The following TMEM244 variants were observed in gnomAD, a reference collection of about 807,000 sequenced individuals.
TMEM244 encodes putative transmembrane protein 244.
Under a neutral mutation model 15.8 loss-of-function variants are expected in TMEM244, and 13 were observed. The observed-to-expected ratio is 0.82, with a 90% CI of 0.53 to 1.30. The LOEUF (loss-of-function observed/expected upper bound fraction) is 1.30. TMEM244 is among the 50% of genes most tolerant of loss of function. The pLI is 0.00. For synonymous variants in TMEM244, 45 were observed against 48.7 expected (o/e 0.92, Z 0.32); for missense variants, 161 against 144.9 (o/e 1.11, Z -0.57).
At chr6:129,840,452 G>A (rs147076113) in intron 3 of TMEM244, among the ~76,000 whole-genome samples, 10,597 of 152,194 alleles carry the variant, frequency 0.07, 448 homozygotes, top group Non-Finnish European at 0.092. Flanking sequence ...AGACTTAAAT[G>A]TAAGACCTAA....
intron 4 of TMEM244, among the ~76,000 whole-genome samples, chr6:129,832,251 G>C (rs9492392): frequency 0.58 from 88,195 of 151,606 alleles, 26,697 homozygotes; most frequent in Non-Finnish European, 0.65. Flanking sequence ...GTGCCCACCA[G>C]CATGCCTGGC....
chr6:129,853,506 A>G (rs575116447), intron 1 of TMEM244, among the ~76,000 whole-genome samples: 7 of 152,064 alleles, frequency 4.6e-5, no homozygotes, highest in African/African-American at 1.4e-4. Flanking sequence ...ATAAATGTGC[A>G]CCAGTCTGCA....
At chr6:129,833,309 G>A in intron 4 of TMEM244, 151 bp downstream of exon 4, 2 of 884,228 alleles carry the variant, frequency 2.3e-6, no homozygotes, top group Non-Finnish European at 1.5e-6. Flanking sequence ...AATTTGGCTG[G>A]AAAGAGGGAT....
At chr6:129,833,334 T>G (rs1776357306) in intron 4 of TMEM244, 126 bp downstream of exon 4, 10 of 1,085,190 alleles carry the variant, frequency 9.2e-6, no homozygotes, top group Non-Finnish European at 1.2e-5. Context: ...ACCTTTCATC[T>G]TCAGTTTTTA....
intron 3 of TMEM244, among the ~76,000 whole-genome samples, chr6:129,839,801 C>T (rs556557920): frequency 6.6e-6 from 1 of 152,066 alleles, no homozygotes; most frequent in Non-Finnish European, 1.5e-5. Flanking sequence ...AAACAGAGAG[C>T]CAAAACATGA....
chr6:129,856,347 C>T, intron 1 of TMEM244, among the ~76,000 whole-genome samples: 1 of 152,114 alleles, frequency 6.6e-6, no homozygotes. Flanking sequence ...TTCCATTGAG[C>T]TATCTACTCA....
Position 129,831,350 on chromosome 6 carries a change from G to A in TMEM244, c.356C>T (p.Ala119Val), listed in dbSNP as rs761732631. Residue 119 changes from alanine to valine, a missense_variant, in exon 5 of 5, where the codon GCT (alanine) becomes GTT (valine). Physicochemically the swap from Ala to Val is moderately conservative, Grantham distance 64 (BLOSUM62 0). Coordinates refer to ENST00000368143, the MANE Select transcript of TMEM244 (RefSeq NM_001010876.2). ...LEFPLTSHWW[A>V]ALGISKLLV Reference sequence around the variant, plus strand: ...AAGCAATTTTGATATACCTAAAGCAGCCCACCAATGTGATGTCAAGGGGAA... The same window carrying A: ...AAGCAATTTTGATATACCTAAAGCAACCCACCAATGTGATGTCAAGGGGAA... The A allele has an allele frequency of 1.9e-6, 3 of 1,578,942 alleles. No individual in the cohort carries two copies. Among genetic ancestry groups the A allele is most frequent in the Non-Finnish European group, 2.6e-6 (3 of 1,147,264 alleles).
chr6:129,835,404 TAA>T (rs549649524), intron 3 of TMEM244, among the ~76,000 whole-genome samples: 9 of 138,368 alleles, frequency 6.5e-5, no homozygotes, highest in Admixed American at 7.2e-5. Context: ...CTCTGTCTCT[TAA>T]AAAAAAAAAA....
intron 1 of TMEM244, among the ~76,000 whole-genome samples, chr6:129,855,898 G>T (rs1164459481): frequency 6.6e-6 from 1 of 151,912 alleles, no homozygotes; most frequent in Non-Finnish European, 1.5e-5. Context: ...TAAATATCCT[G>T]TTCCCCCAAA....
intron 3 of TMEM244, among the ~76,000 whole-genome samples, chr6:129,838,296 C>T (rs532728206): frequency 1.3e-5 from 2 of 152,336 alleles, no homozygotes; most frequent in South Asian, 4.1e-4. Flanking sequence ...CAAAACCTCA[C>T]AACTACATGG....
At chr6:129,835,190 G>C (rs1306016966) in intron 3 of TMEM244, among the ~76,000 whole-genome samples, 3 of 152,048 alleles carry the variant, frequency 2.0e-5, no homozygotes, top group Non-Finnish European at 4.4e-5. Context: ...GAAGCTAGGA[G>C]TTCAAGGCCA....
chr6:129,854,449 A>G (rs1284443739), intron 1 of TMEM244, among the ~76,000 whole-genome samples: 2 of 152,200 alleles, frequency 1.3e-5, no homozygotes, highest in African/African-American at 4.8e-5. Context: ...TCCTGGGGAT[A>G]AAAAGGAAGA....
chr6:129,842,833 C>G (rs765873754), intron 3 of TMEM244, among the ~76,000 whole-genome samples: 8 of 151,096 alleles, frequency 5.3e-5, no homozygotes, highest in Non-Finnish European at 1.2e-4. Flanking sequence ...CTCCCCCAAA[C>G]AAGAATGTTT....
intron 1 of TMEM244, among the ~76,000 whole-genome samples, chr6:129,852,743 C>G (rs1776651625): frequency 6.6e-6 from 1 of 152,172 alleles, no homozygotes; most frequent in Non-Finnish European, 1.5e-5. Flanking sequence ...TTGCCTGCAA[C>G]CAGCGCCTCA....
At chr6:129,861,029 T>C in intron 1 of TMEM244, 127 bp downstream of exon 1, 2 of 967,734 alleles carry the variant, frequency 2.1e-6, no homozygotes, top group South Asian at 3.1e-5. Context: ...GAATGTTTTC[T>C]GTATGGTACC....
chr6:129,833,386 T>C, intron 4 of TMEM244, 74 bp downstream of exon 4: 9 of 1,485,554 alleles, frequency 6.1e-6, no homozygotes, highest in Admixed American at 2.1e-5. Context: ...AACAAAGTTC[T>C]ACTCAGGAAG....
intron 1 of TMEM244, among the ~76,000 whole-genome samples, chr6:129,857,450 G>A (rs1776729634): frequency 6.6e-6 from 1 of 151,820 alleles, no homozygotes; most frequent in African/African-American, 2.4e-5. Flanking sequence ...CCGTCTCCTG[G>A]GTTTAAGCAA....
In TMEM244 at chr6:129,852,673, T is replaced by C. The variant is rs146374095; in HGVS notation, c.34-6821A>G. Among the ~76,000 whole-genome samples, 160 of 152,302 alleles carry C rather than the reference T, an allele frequency of 1.1e-3. No homozygotes were observed. The Middle Eastern group carries it at 0.014, about 13-fold the overall frequency. ...TGAAGAGGCAGGTAGCTATGCCTAC[T>C]GGCAAGGAGAAACACACCTTCCCCC... On this transcript the variant is annotated intron_variant, in intron 1 of 4. Transcript: ENST00000368143.
Position 129,843,597 on chromosome 6 carries a change from A to G in TMEM244, c.126T>C (p.His42=), listed in dbSNP as rs769574128. 1 of 1,610,912 alleles carries G rather than the reference A, an allele frequency of 6.2e-7. No homozygotes were observed. The highest frequency in any genetic ancestry group is 1.3e-5 in the African/African-American group (1 of 74,938). ...LSMGCVMFEV[H]ELNVLAPFDF... ...CAAATGGAGCCAGGACATTCAACTCATGCACCCTAAAGATGTTATAAGTGA... is the reference window on the plus strand; with the variant it reads ...CAAATGGAGCCAGGACATTCAACTCGTGCACCCTAAAGATGTTATAAGTGA... Residue 42 remains histidine, a synonymous_variant, in exon 3 of 5, where the codon CAT becomes CAC. Transcript: ENST00000368143.
Sources: gnomAD v4.1 joint callset for allele counts (sites outside exome capture counted in the v4.1 genomes callset) on GRCh38, gnomAD v4.1.1 for gene constraint, MANE v1.5 for transcripts, NCBI Gene and HGNC (gene_info 2026-07-23, HGNC 2026-07-21) for gene names.